ENPP2: variants seen among roughly 807,000 people sequenced by gnomAD.
The protein encoded by ENPP2 is ectonucleotide pyrophosphatase/phosphodiesterase 2.
A neutral mutation model predicts 120.2 loss-of-function variants in ENPP2; 51 were observed. The observed-to-expected ratio is 0.42, with a 90% CI of 0.34 to 0.54. The LOEUF (loss-of-function observed/expected upper bound fraction) is 0.54, where lower values mean the gene tolerates loss of function less well. ENPP2 is among the 20% of genes least tolerant of loss of function. The pLI, the probability that ENPP2 is intolerant of heterozygous loss-of-function variation, is 0.04. For missense variants in ENPP2, 920 were observed against 1,066.5 expected (o/e 0.86, Z 1.91); for synonymous variants, 365 against 366.4 (o/e 1.00, Z 0.04).
rs1217498689 is a variant in ENPP2, at chr8:119,644,625, T to TACAC, written c.22-6102_22-6099dup. ...ATATATATATATATATATATATATATACACACACACACACACACACACATA... is the reference window on the plus strand; with the variant it reads ...ATATATATATATATATATATATATATACACACACACACACACACACACACACATA... On this transcript the variant is annotated intron_variant, in intron 1 of 25. Transcript: ENST00000427067. Among the ~76,000 whole-genome samples, 486 of 74,258 alleles carry TACAC rather than the reference T, an allele frequency of 6.5e-3. 12 individuals are homozygous for TACAC. Among genetic ancestry groups the TACAC allele is most frequent in the Middle Eastern group, 0.041 (5 of 122 alleles). The allele number at this position is 74,258 out of a possible 152,430, so 48.7% of individuals were successfully genotyped here. A position where few individuals can be genotyped will look rare whatever the true frequency, so the allele number is the denominator to read the frequency against.
intron 22 of ENPP2, among the ~76,000 whole-genome samples, chr8:119,565,308 G>C (rs543258881): frequency 6.6e-6 from 1 of 152,144 alleles, no homozygotes; most frequent in African/African-American, 2.4e-5. Flanking sequence ...GAGGAAGTAT[G>C]GTGTTTCAGA....
At chr8:119,613,157 C>T (rs1815230614) in intron 8 of ENPP2, among the ~76,000 whole-genome samples, 1 of 152,106 alleles carries the variant, frequency 6.6e-6, no homozygotes, top group Admixed American at 6.5e-5. Flanking sequence ...TCCAAAGAAA[C>T]CAACCCACTT....
intron 1 of ENPP2, among the ~76,000 whole-genome samples, chr8:119,644,584 TAA>T (rs1817374182): frequency 2.0e-5 from 1 of 49,272 alleles, no homozygotes; most frequent in Non-Finnish European, 4.3e-5. Flanking sequence ...TGGAGATTAC[TAA>T]AATATATATA....
chr8:119,564,715 A>G (rs1563667849), intron 23 of ENPP2, 108 bp downstream of exon 23: 1 of 721,826 alleles, frequency 1.4e-6, no homozygotes, highest in Non-Finnish European at 2.0e-6. Context: ...AAAATTCAAA[A>G]AACTTAAGGG....
At chr8:119,619,683 A>C (rs1025222750) in intron 4 of ENPP2, among the ~76,000 whole-genome samples, 5 of 152,002 alleles carry the variant, frequency 3.3e-5, no homozygotes, top group African/African-American at 1.2e-4. Flanking sequence ...AAGCCATAGA[A>C]AGCATGGCAA....
In ENPP2 at chr8:119,569,329, G is replaced by C; in HGVS notation, c.1959C>G (p.Val653=). The change falls in exon 21 of 25, where the codon GTC becomes GTG. Residue 653 remains valine (V), a synonymous_variant. Coordinates refer to ENST00000075322, the MANE Select transcript of ENPP2 (RefSeq NM_001040092.3). ...SSVPDHLTSC[V]RPDVRVSPSF... ...TCGGAGAAACACGGACATCAGGCCG[G>C]ACGCAACTGGTCAGATGGTCAGGAA... The C allele has an allele frequency of 6.2e-7, 1 of 1,614,038 alleles. No homozygotes were observed. Among genetic ancestry groups the C allele is most frequent in the East Asian group, 2.2e-5 (1 of 44,852 alleles).
At chr8:119,659,943 A>G (rs1264427385) in intron 1 of ENPP2, among the ~76,000 whole-genome samples, 1 of 152,222 alleles carries the variant, frequency 6.6e-6, no homozygotes, top group Non-Finnish European at 1.5e-5. Context: ...GGGTCCAGCA[A>G]TCACTGGATA....
At chr8:119,567,997 A>G (rs1180237641) in intron 22 of ENPP2, among the ~76,000 whole-genome samples, 178 bp downstream of exon 22, 1 of 152,238 alleles carries the variant, frequency 6.6e-6, no homozygotes, top group Non-Finnish European at 1.5e-5. Flanking sequence ...GAAAGTTTAC[A>G]TGAAATCAAA....
At chr8:119,580,376 C>T (rs765881917) in intron 18 of ENPP2, 60 of 580,724 alleles carry the variant, frequency 1.0e-4, no homozygotes, top group Non-Finnish European at 1.6e-4. Context: ...TTGTAAGCAC[C>T]TTCTTCAATC....
At position 119,593,780 on chromosome 8, in the gene ENPP2, A is replaced by G. The variant is rs1287569309; in HGVS notation, c.1053T>C (p.Cys351=). ...DGLKQLKLHR[C]VNVIFVGDHG... is the part of the protein sequence containing the mutation. ...GGTCTCCGACAAAGATGACGTTGAC[A>G]CACCGATGCAGTTTTAGTTGTTTCA... is the stretch of plus-strand genomic sequence containing the variant. Residue 351 remains cysteine, a synonymous_variant, in exon 12 of 25, where the codon TGT becomes TGC. Transcript: ENST00000075322. 1 of 1,611,922 alleles carries G rather than the reference A, an allele frequency of 6.2e-7. No homozygotes were observed. Among genetic ancestry groups the G allele is most frequent in the South Asian group, 1.1e-5 (1 of 91,048 alleles).
At chr8:119,576,441 T>G (rs1587365472) in intron 19 of ENPP2, among the ~76,000 whole-genome samples, 3 of 152,330 alleles carry the variant, frequency 2.0e-5, no homozygotes, top group South Asian at 4.1e-4. Flanking sequence ...CGCACCCAGC[T>G]GTGTTTAAGT....
upstream of ENPP2, among the ~76,000 whole-genome samples, chr8:119,643,332 T>C (rs552998614): frequency 6.6e-6 from 1 of 152,296 alleles, no homozygotes; most frequent in South Asian, 2.1e-4. Flanking sequence ...ACTGCAAACA[T>C]GTATAAGTCT....
At chr8:119,629,875 T>A (rs564204404) in intron 2 of ENPP2, among the ~76,000 whole-genome samples, 77 of 152,274 alleles carry the variant, frequency 5.1e-4, no homozygotes, top group African/African-American at 1.8e-3. Flanking sequence ...CAATTGAATA[T>A]TCCTTAAGGA....
intron 13 of ENPP2, 141 bp downstream of exon 13, chr8:119,590,364 A>G (rs1162742842): frequency 3.7e-6 from 2 of 538,474 alleles, no homozygotes; most frequent in Admixed American, 4.1e-5. Flanking sequence ...CTTAGAGTCT[A>G]AATGACTTAT....
intron 11 of ENPP2, among the ~76,000 whole-genome samples, chr8:119,595,492 C>T (rs1459668634): frequency 6.6e-6 from 1 of 152,154 alleles, no homozygotes; most frequent in Non-Finnish European, 1.5e-5. Flanking sequence ...TTTGAGAATA[C>T]CTCCTTTTAC....
At chr8:119,626,461 A>C (rs1587519094) in intron 3 of ENPP2, 104 bp downstream of exon 3, 6 of 795,202 alleles carry the variant, frequency 7.5e-6, no homozygotes, top group East Asian at 2.5e-5. Context: ...TAGAATCCAC[A>C]GTTTGGATAG....
chr8:119,647,731 G>T (rs112045210), intron 1 of ENPP2, among the ~76,000 whole-genome samples: 2 of 152,148 alleles, frequency 1.3e-5, no homozygotes, highest in South Asian at 4.1e-4. Flanking sequence ...GTGGCCGGGC[G>T]CAGTGGCTCA....
chr8:119,557,582 C>T lies in ENPP2; in HGVS notation c.2531G>A (p.Arg844His), dbSNP rs755949845. The change falls in exon 25 of 25, where the codon CGC becomes CAC. Residue 844 changes from arginine (R) to histidine (H), a missense_variant. By Grantham distance (29) the Arg-to-His change is conservative (BLOSUM62 0). Coordinates refer to ENST00000075322, the MANE Select transcript of ENPP2 (RefSeq NM_001040092.3). ...TSLDFFRKTSRSYPEILTLKT... is the reference protein window; with the variant it reads ...TSLDFFRKTSHSYPEILTLKT... ...GAGTGTCAGGATTTCTGGGTAGCTG[C>T]GGCTGGTCTTTCGGAAGAAGTCCAG... is the stretch of plus-strand genomic sequence containing the variant. 1.1e-5 allele frequency: 17 copies of T among 1,612,890 alleles called. No homozygotes were observed. The highest frequency in any genetic ancestry group is 1.9e-4 in the Middle Eastern group (1 of 5,302).
At chr8:119,644,363 G>A (rs1217091774) in intron 1 of ENPP2, among the ~76,000 whole-genome samples, 3 of 151,604 alleles carry the variant, frequency 2.0e-5, no homozygotes, top group African/African-American at 4.8e-5. Context: ...CTGGATATGG[G>A]AGTTGAGGGG....
Sources: allele counts gnomAD v4.1 joint callset (sites outside exome capture counted in the v4.1 genomes callset), GRCh38; gene constraint gnomAD v4.1.1; transcripts MANE v1.5; gene names NCBI Gene and HGNC (gene_info 2026-07-23, HGNC 2026-07-21).